SBF2: variants seen among roughly 807,000 people sequenced by gnomAD.
SBF2 encodes myotubularin-related protein 13.
In SBF2, 112 loss-of-function variants were observed where a neutral mutation model predicts 225.2. That is an observed-to-expected ratio of 0.50 (90% confidence interval 0.43 to 0.58). The LOEUF (loss-of-function observed/expected upper bound fraction) is 0.58. SBF2 is among the 20% of genes least tolerant of loss of function. The pLI, the probability that SBF2 is intolerant of heterozygous loss-of-function variation, is 0.00. For missense variants in SBF2, 1,996 were observed against 2,206.2 expected (o/e 0.90, Z 1.91); for synonymous variants, 763 against 773.3 (o/e 0.99, Z 0.22).
intron 1 of SBF2, among the ~76,000 whole-genome samples, chr11:10,271,199 T>TAGGAGAATGACAAGTCGTTCAC (rs1591343652): frequency 2.8e-5 from 3 of 108,742 alleles, no homozygotes; most frequent in African/African-American, 5.9e-5. Flanking sequence ...CTTGATTCTT[T>TAGGAGAATGACAAGTCGTTCAC]TTTTTTTTTT....
At chr11:10,125,434 T>C (rs531147008) in intron 2 of SBF2, among the ~76,000 whole-genome samples, 6 of 152,286 alleles carry the variant, frequency 3.9e-5, no homozygotes, top group South Asian at 4.1e-4. Context: ...ATAGTTTTAA[T>C]AGTAATTTAA....
rs560803097 is a variant in SBF2 at position 10,256,026 on chromosome 11, C to G, written c.55+37989G>C. 2.6e-5 allele frequency among the ~76,000 whole-genome samples: 4 copies of G among 152,280 alleles called. No individual in the cohort carries two copies. The East Asian group carries it at 7.7e-4, about 29-fold the overall frequency. On this transcript the variant is annotated intron_variant, in intron 1 of 39. Coordinates refer to ENST00000256190, the MANE Select transcript of SBF2 (RefSeq NM_030962.4). ...TGCTTTACTTACAGGGTGTATTACACGAGATGGGCTCTTTCCAATTGCCAA... is the reference window on the plus strand; with the variant it reads ...TGCTTTACTTACAGGGTGTATTACAGGAGATGGGCTCTTTCCAATTGCCAA...
At chr11:9,781,734 G>GTT (rs1322350409) in intron 38 of SBF2, 96 bp from the exon 39 acceptor site, 1 of 1,402,508 alleles carries the variant, frequency 7.1e-7, no homozygotes, top group Non-Finnish European at 1.0e-6. Context: ...CTGTACCTTG[G>GTT]TTATATATGC....
Position 9,910,990 on chromosome 11 carries a change from A to C in SBF2, c.1861-14979T>G, listed in dbSNP as rs540542451. ...AGGGGAATTGCTTGAACCTGGGAGG[A>C]AGAGGTTGCAGTGAGCTGAGATCGC... On this transcript the variant is annotated intron_variant, in intron 16 of 39. Coordinates refer to ENST00000256190, the MANE Select transcript of SBF2 (RefSeq NM_030962.4). Among the ~76,000 whole-genome samples, 5 of 148,772 alleles carry C rather than the reference A, an allele frequency of 3.4e-5. No homozygotes were observed. The South Asian group carries it at 1.1e-3, about 32-fold the overall frequency.
intron 28 of SBF2, among the ~76,000 whole-genome samples, chr11:9,821,520 T>A (rs903368446): frequency 6.6e-6 from 1 of 152,178 alleles, no homozygotes. Flanking sequence ...CCAAAGGAAT[T>A]AGACTACCGC....
chr11:9,968,345 A>T lies in SBF2; in HGVS notation c.1596T>A (p.Pro532=). 1 of 1,613,902 alleles carries T rather than the reference A, an allele frequency of 6.2e-7. No homozygotes were observed. The highest frequency in any genetic ancestry group is 8.5e-7 in the Non-Finnish European group (1 of 1,179,792). ...AACAGACAGACAAATACATACCAACAGGTGGACCTGCTGGCACAACACATT... is the reference window on the plus strand; with the variant it reads ...AACAGACAGACAAATACATACCAACTGGTGGACCTGCTGGCACAACACATT... The part of the protein sequence containing the change: ...EKKCVVPAGP[P]VVSIMDKVTT... The change falls in exon 14 of 40, where the codon CCT becomes CCA. Residue 532 remains proline, a synonymous_variant. Coordinates refer to ENST00000256190, the MANE Select transcript of SBF2 (RefSeq NM_030962.4).
At chr11:10,286,548 C>T (rs995272975) in intron 1 of SBF2, among the ~76,000 whole-genome samples, 2 of 151,876 alleles carry the variant, frequency 1.3e-5, no homozygotes, top group Non-Finnish European at 2.9e-5. Context: ...TTAGGAGAGA[C>T]GGGGTTTCAC....
At chr11:9,854,662 A>G (rs1857190171) in intron 19 of SBF2, among the ~76,000 whole-genome samples, 1 of 152,118 alleles carries the variant, frequency 6.6e-6, no homozygotes, top group Non-Finnish European at 1.5e-5. Context: ...TGTAACCTCA[A>G]ACTCCTGGGC....
chr11:9,858,273 A>T lies in SBF2; in HGVS notation c.2053T>A (p.Tyr685Asn), dbSNP rs1857464414. 6.2e-7 allele frequency: 1 copy of T among 1,614,072 alleles called. No homozygotes were observed. Among genetic ancestry groups the T allele is most frequent in the Non-Finnish European group, 8.5e-7 (1 of 1,180,014 alleles). The change falls in exon 18 of 40, where the codon TAT becomes AAT. Residue 685 changes from tyrosine (Y) to asparagine (N), a missense_variant. Transcript: ENST00000256190. ...NAVQEQVRSL[Y>N]LSAKEDNHAP... ...TGATTGTCTTCCTTGGCTGAGAGAT[A>T]AAGGGAGCGAACCTGTTCCTGCACT...
chr11:10,133,671 C>T (rs991291450), intron 2 of SBF2, among the ~76,000 whole-genome samples: 1 of 150,962 alleles, frequency 6.6e-6, no homozygotes, highest in Non-Finnish European at 1.5e-5. Context: ...AGCCCCGGTT[C>T]CCGCTCATGC....
At position 10,187,488 on chromosome 11, in the gene SBF2, C is replaced by A. The variant is rs191782487; in HGVS notation, c.141+6414G>T. Among the ~76,000 whole-genome samples the A allele has an allele frequency of 2.6e-5, 4 of 152,248 alleles. No homozygotes were observed. In the East Asian group the frequency reaches 7.7e-4, roughly 29 times the overall value. On this transcript the variant is annotated intron_variant, in intron 2 of 39. Transcript: ENST00000256190. ...GGGGGACCCCTGCCTTCGCTCATCT[C>A]CTCCCCTGCCTTATAAAAATGCCTG...
At chr11:10,106,448 G>A (rs1206247599) in intron 2 of SBF2, among the ~76,000 whole-genome samples, 1 of 151,932 alleles carries the variant, frequency 6.6e-6, no homozygotes, top group East Asian at 1.9e-4. Context: ...CCAACATGGC[G>A]AAACCCCATC....
At chr11:10,253,796 T>G (rs1442740) in intron 1 of SBF2, among the ~76,000 whole-genome samples, 33,203 of 151,948 alleles carry the variant, frequency 0.22, 3,906 homozygotes, top group Middle Eastern at 0.3. Flanking sequence ...GCCTTCTTTG[T>G]TCTTCTGCCC....
At chr11:9,981,608 G>A (rs542295941) in intron 13 of SBF2, among the ~76,000 whole-genome samples, 35 of 152,168 alleles carry the variant, frequency 2.3e-4, no homozygotes, top group Non-Finnish European at 4.9e-4. Flanking sequence ...CTTATGAAAA[G>A]ACTAATGAGA....
chr11:9,992,216 C>T (rs2134468799), intron 12 of SBF2, among the ~76,000 whole-genome samples, 199 bp downstream of exon 12: 1 of 152,014 alleles, frequency 6.6e-6, no homozygotes, highest in East Asian at 1.9e-4. Flanking sequence ...TATGTATTTC[C>T]AAGGCATCTT....
In SBF2 at chr11:9,878,697, A is replaced by G. The variant is rs190282495; in HGVS notation, c.1929+17246T>C. 2.5e-4 allele frequency among the ~76,000 whole-genome samples: 38 copies of G among 152,344 alleles called. No homozygotes were observed. In the East Asian group the frequency reaches 6.9e-3, roughly 28 times the overall value. On this transcript the variant is annotated intron_variant, in intron 17 of 39. Coordinates refer to ENST00000256190, the MANE Select transcript of SBF2 (RefSeq NM_030962.4). ...CTTGTTAAATTCCAAAAGGTTAATTACATATTTCCCAGAGGCTTGCTTCTA... is the reference window on the plus strand; with the variant it reads ...CTTGTTAAATTCCAAAAGGTTAATTGCATATTTCCCAGAGGCTTGCTTCTA...
intron 2 of SBF2, among the ~76,000 whole-genome samples, chr11:10,090,331 T>C (rs187645918): frequency 6.6e-6 from 1 of 152,324 alleles, no homozygotes; most frequent in African/African-American, 2.4e-5. Context: ...AAAAGGTATA[T>C]TTTATGTTAT....
At chr11:9,999,416 G>A (rs1165756233) in intron 8 of SBF2, among the ~76,000 whole-genome samples, 1 of 152,074 alleles carries the variant, frequency 6.6e-6, no homozygotes, top group Non-Finnish European at 1.5e-5. Flanking sequence ...CACCTCCCAG[G>A]TTCAAGTGAT....
At chr11:10,250,291 C>G (rs1416897750) in intron 1 of SBF2, among the ~76,000 whole-genome samples, 1 of 152,170 alleles carries the variant, frequency 6.6e-6, no homozygotes. Context: ...CATTAGTTAT[C>G]TGCGCTATGC....
Sources: allele counts gnomAD v4.1 joint callset (sites outside exome capture counted in the v4.1 genomes callset), GRCh38; gene constraint gnomAD v4.1.1; transcripts MANE v1.5; gene names NCBI Gene and HGNC (gene_info 2026-07-23, HGNC 2026-07-21).